Variants in COL26A1 observed in about 807,000 individuals in gnomAD.
The protein encoded by COL26A1 is collagen type XXVI alpha 1 chain.
Under a neutral mutation model 59.3 loss-of-function variants are expected in COL26A1, and 41 were observed. That is an observed-to-expected ratio of 0.69 (90% CI 0.54 to 0.90). COL26A1 has a LOEUF of 0.90. Ranked by LOEUF, COL26A1 falls within the 40% of genes least tolerant of loss-of-function variation. The pLI is 0.00. For missense variants in COL26A1, 612 were observed against 602.3 expected, an observed-to-expected ratio of 1.02 and a Z score of -0.17; for synonymous variants, 266 against 256.0, an observed-to-expected ratio of 1.04 and a Z score of -0.37.
rs146551998 is a variant in COL26A1, at chr7:101,461,329, G to A, written c.385+13542G>A. On this transcript the variant is annotated intron_variant, in intron 3 of 12. Coordinates refer to ENST00000313669, the MANE Select transcript of COL26A1 (RefSeq NM_001278563.3). ...CCTTCTTTTTTTTTGACGGAGTTTC[G>A]CTGTTGTTGTGCAGGCTGGTGTGTA... 9.3e-3 allele frequency among the ~76,000 whole-genome samples: 1,342 copies of A among 143,918 alleles called. 5 individuals are homozygous for A. Among genetic ancestry groups the A allele is most frequent in the Middle Eastern group, 0.026 (6 of 232 alleles). The allele number at this position is 143,918 out of a possible 152,430, so 94.4% of individuals were successfully genotyped here.
intron 3 of COL26A1, among the ~76,000 whole-genome samples, chr7:101,528,370 G>T (rs1392641569): frequency 2.6e-5 from 4 of 152,132 alleles, no homozygotes; most frequent in Admixed American, 6.6e-5. Context: ...TGTGCAGTTT[G>T]CCCAGAGTTC....
At chr7:101,375,693 GAA>G (rs1409550051) in intron 1 of COL26A1, among the ~76,000 whole-genome samples, 1 of 150,732 alleles carries the variant, frequency 6.6e-6, no homozygotes, top group African/African-American at 2.4e-5. Context: ...AAGAAAGAAA[GAA>G]AAAGAAAATT....
At chr7:101,381,583 G>A (rs1791449443) in intron 1 of COL26A1, among the ~76,000 whole-genome samples, 1 of 152,152 alleles carries the variant, frequency 6.6e-6, no homozygotes, top group East Asian at 1.9e-4. Context: ...ATTTTATGGT[G>A]GAAGGGCAAA....
At chr7:101,380,930 C>G (rs1177898928) in intron 1 of COL26A1, among the ~76,000 whole-genome samples, 2 of 152,116 alleles carry the variant, frequency 1.3e-5, no homozygotes, top group African/African-American at 2.4e-5. Flanking sequence ...GGGCAGTGGT[C>G]CTGTCTGGTT....
rs376211020 is a variant in COL26A1 at position 101,420,052 on chromosome 7, C to T, written c.234C>T (p.Arg78=). ...VQNGSETVVQ[R]VYQSCRWPGP... is the part of the protein sequence containing the mutation. ...ATGGCTCGGAGACGGTGGTCCAGCG[C>T]GTGTACCAGAGCTGCCGGTGGCCGG... Residue 78 remains arginine (R), a synonymous_variant, in exon 2 of 13, where the codon CGC becomes CGT. Transcript: ENST00000313669. The T allele has an allele frequency of 9.0e-5, 145 of 1,613,044 alleles. No homozygotes were observed. Among genetic ancestry groups the T allele is most frequent in the African/African-American group, 3.3e-4 (25 of 75,040 alleles).
intron 1 of COL26A1, among the ~76,000 whole-genome samples, chr7:101,406,825 T>C (rs1792139179): frequency 6.6e-6 from 1 of 152,056 alleles, no homozygotes; most frequent in Non-Finnish European, 1.5e-5. Flanking sequence ...TGGCACGCAC[T>C]TGTAGTCCCA....
In COL26A1 at chr7:101,510,027, C is replaced by CTTTTTTTTTTTTTTTT. The variant is rs3073374; in HGVS notation, c.386-23041_386-23040insTTTTTTTTTTTTTTTT. On this transcript the variant is annotated intron_variant, in intron 3 of 12. Coordinates refer to ENST00000313669, the MANE Select transcript of COL26A1 (RefSeq NM_001278563.3). ...ATAGGCATAAGCCATCGCGCCCAGT[C>CTTTTTTTTTTTTTTTT]TTTTTTTTTTTTTTAAGAGGGTCTC... 1.8e-4 allele frequency among the ~76,000 whole-genome samples: 22 copies of CTTTTTTTTTTTTTTTT among 122,300 alleles called. 2 individuals are homozygous for CTTTTTTTTTTTTTTTT. Among genetic ancestry groups the CTTTTTTTTTTTTTTTT allele is most frequent in the African/African-American group, 8.9e-4 (22 of 24,658 alleles). The allele number at this position is 122,300 out of a possible 152,430, so 80.2% of individuals were successfully genotyped here.
chr7:101,444,176 C>T (rs1242085812), intron 2 of COL26A1, among the ~76,000 whole-genome samples: 1 of 151,918 alleles, frequency 6.6e-6, no homozygotes, highest in Non-Finnish European at 1.5e-5. Context: ...TACTCCTGGC[C>T]GTGTATGCCA....
In COL26A1 at chr7:101,454,493, A is replaced by G. The variant is rs140137734; in HGVS notation, c.385+6706A>G. On this transcript the variant is annotated intron_variant, in intron 3 of 12. Transcript: ENST00000313669. The stretch of plus-strand genomic sequence containing the variant: ...AGGTTGGTCTCGAACTCCTGACCTC[A>G]GATGATCCACCCACCTCGGCCTCCC... Among the ~76,000 whole-genome samples the G allele has an allele frequency of 8.0e-3, 1,211 of 152,154 alleles. 19 individuals are homozygous for G. Among genetic ancestry groups the G allele is most frequent in the African/African-American group, 0.028 (1,149 of 41,528 alleles).
intron 2 of COL26A1, among the ~76,000 whole-genome samples, chr7:101,434,454 G>T (rs1029521032): frequency 1.3e-5 from 2 of 151,894 alleles, no homozygotes; most frequent in African/African-American, 2.4e-5. Flanking sequence ...TAGAGACAGG[G>T]TCTCACTGTG....
chr7:101,365,871 G>A (rs1791034230), intron 1 of COL26A1, among the ~76,000 whole-genome samples: 1 of 152,126 alleles, frequency 6.6e-6, no homozygotes, highest in Non-Finnish European at 1.5e-5. Flanking sequence ...AAAAGCAAGA[G>A]GTGAGGACCA....
At chr7:101,498,922 G>C (rs892476004) in intron 3 of COL26A1, among the ~76,000 whole-genome samples, 2 of 152,156 alleles carry the variant, frequency 1.3e-5, no homozygotes, top group Non-Finnish European at 1.5e-5. Context: ...TCTCAGGCAC[G>C]GCATGTAAGC....
chr7:101,393,960 T>G (rs1204795998), intron 1 of COL26A1, among the ~76,000 whole-genome samples: 1 of 151,986 alleles, frequency 6.6e-6, no homozygotes, highest in African/African-American at 2.4e-5. Context: ...ATTTTTTTTT[T>G]AGAGATGGGA....
chr7:101,421,595 A>G (rs1212726098), intron 2 of COL26A1, among the ~76,000 whole-genome samples: 1 of 151,984 alleles, frequency 6.6e-6, no homozygotes, highest in Non-Finnish European at 1.5e-5. Context: ...GAATCACTTG[A>G]ACCCAGGAGG....
chr7:101,531,362 C>T (rs1197488517), intron 3 of COL26A1, among the ~76,000 whole-genome samples: 6 of 152,232 alleles, frequency 3.9e-5, no homozygotes, highest in Admixed American at 3.9e-4. Context: ...AACCACATCC[C>T]TGTATCATGT....
intron 3 of COL26A1, among the ~76,000 whole-genome samples, chr7:101,462,536 C>T (rs1170114230): frequency 6.6e-6 from 1 of 152,038 alleles, no homozygotes; most frequent in Admixed American, 6.6e-5. Context: ...AGGCTGGTCT[C>T]GAACTCCTGA....
chr7:101,531,765 C>G (rs962176695), intron 3 of COL26A1, among the ~76,000 whole-genome samples: 4 of 151,916 alleles, frequency 2.6e-5, no homozygotes, highest in African/African-American at 9.7e-5. Flanking sequence ...AGGAATCGCC[C>G]TTTGTTTTTT....
At chr7:101,479,960 T>C (rs1285442665) in intron 3 of COL26A1, among the ~76,000 whole-genome samples, 1 of 152,224 alleles carries the variant, frequency 6.6e-6, no homozygotes, top group African/African-American at 2.4e-5. Context: ...TATTGTTAAC[T>C]ATAATTTCTC....
intron 1 of COL26A1, among the ~76,000 whole-genome samples, chr7:101,417,502 T>A (rs1792399683): frequency 6.6e-6 from 1 of 150,972 alleles, no homozygotes; most frequent in African/African-American, 2.4e-5. Flanking sequence ...AATATCTTTT[T>A]TTTTTTTTTT....
Sources: allele counts gnomAD v4.1 joint callset (sites outside exome capture counted in the v4.1 genomes callset), GRCh38; gene constraint gnomAD v4.1.1; transcripts MANE v1.5; gene names NCBI Gene and HGNC (gene_info 2026-07-23, HGNC 2026-07-21).